The following LRIG2 variants were observed in gnomAD, a reference collection of about 807,000 sequenced individuals.
The protein encoded by LRIG2 is leucine rich repeats and immunoglobulin like domains 2, also known as leucine-rich repeats and immunoglobulin-like domains protein 2.
LRIG2 carries 93 observed loss-of-function variants against 107.8 expected under a neutral mutation model. That is an observed-to-expected ratio of 0.86 (90% CI 0.73 to 1.03). The LOEUF is 1.03. Among genes scored for constraint, LRIG2 ranks in the 50% least tolerant of loss-of-function variants. The pLI is 0.00. For synonymous variants in LRIG2, 471 were observed against 470.6 expected (o/e 1.00, Z -0.01); for missense variants, 1,226 against 1,296.0 (o/e 0.95, Z 0.83).
intron 11 of LRIG2, among the ~76,000 whole-genome samples, chr1:113,102,009 A>G (rs1173996474): frequency 1.3e-5 from 2 of 152,160 alleles, no homozygotes; most frequent in Non-Finnish European, 2.9e-5. Context: ...AGTCAAAGGT[A>G]TGAAGAGTGG....
chr1:113,080,834 A>G (rs1653240146), intron 1 of LRIG2, among the ~76,000 whole-genome samples: 1 of 148,020 alleles, frequency 6.8e-6, no homozygotes, highest in Non-Finnish European at 1.5e-5. Context: ...GGAACACTAA[A>G]AGTTTTTTTT....
intron 13 of LRIG2, among the ~76,000 whole-genome samples, chr1:113,110,803 C>T (rs1654743751): frequency 1.3e-5 from 2 of 152,148 alleles, no homozygotes; most frequent in South Asian, 2.1e-4. Context: ...AGATGTGCTA[C>T]TTTCACTGCT....
At chr1:113,107,461 T>C (rs1329694728) in intron 11 of LRIG2, 133 bp from the exon 12 acceptor site, 2 of 795,618 alleles carry the variant, frequency 2.5e-6, no homozygotes, top group Non-Finnish European at 3.7e-6. Context: ...ACAGTCTCAA[T>C]TTGTTTTCTC....
At position 113,132,068 on chromosome 1, in the gene LRIG2, A is replaced by G. The variant is rs1364101186; in HGVS notation, c.*7967A>G. 3 of 151,930 alleles carry G rather than the reference A, an allele frequency of 2.0e-5. No individual in the cohort carries two copies. The highest frequency in any genetic ancestry group is 7.3e-5 in the African/African-American group (3 of 41,350). 9.4% of individuals were successfully genotyped at this position (151,930 alleles called of 1,614,324 possible). A position where few individuals can be genotyped will look rare whatever the true frequency, so the allele number is the denominator to read the frequency against. On this transcript the variant is annotated 3_prime_UTR_variant, in exon 18 of 18. Transcript: ENST00000361127. The stretch of plus-strand genomic sequence containing the variant: ...CTATTATTTTTTTCCCCTATTGGAT[A>G]ATACTAGTCTGAGCAGCCCTAATAC...
At chr1:113,107,809 A>C (rs1654602133) in intron 12 of LRIG2, 52 bp downstream of exon 12, 2 of 1,468,614 alleles carry the variant, frequency 1.4e-6, no homozygotes, top group Non-Finnish European at 1.8e-6. Flanking sequence ...TAATCTTAAC[A>C]GAATTAAAAA....
chr1:113,121,168 A>G (rs1464287004), intron 17 of LRIG2, among the ~76,000 whole-genome samples: 3 of 152,154 alleles, frequency 2.0e-5, no homozygotes, highest in Non-Finnish European at 2.9e-5. Context: ...GTAAACATTT[A>G]ATTTCAGCTT....
Position 113,124,292 on chromosome 1 carries a change from A to G in LRIG2, c.*191A>G, listed in dbSNP as rs1434273540. 5.0e-6 allele frequency: 3 copies of G among 603,564 alleles called. No homozygotes were observed. The highest frequency in any genetic ancestry group is 8.8e-6 in the Non-Finnish European group (3 of 341,062). The allele number at this position is 603,564 out of a possible 1,614,324, so 37.4% of individuals were successfully genotyped here. A position where few individuals can be genotyped will look rare whatever the true frequency, so the allele number is the denominator to read the frequency against. ...TGAAGAAATGGCAACAGCTGACAGA[A>G]ATGGGTACAGCTCATCAAAAATGTG... On this transcript the variant is annotated 3_prime_UTR_variant, in exon 18 of 18. Coordinates refer to ENST00000361127, the MANE Select transcript of LRIG2 (RefSeq NM_014813.3).
rs2840294 is a variant in LRIG2, at chr1:113,126,376, C to G, written c.*2275C>G. ...CTCCTGCTTCTCAGTCTTCTCTGAC[C>G]TCTGGTAAGTGGAACTTTCATTAAT... On this transcript the variant is annotated 3_prime_UTR_variant, in exon 18 of 18. Coordinates refer to ENST00000361127, the MANE Select transcript of LRIG2 (RefSeq NM_014813.3). 0.28 allele frequency: 46,948 copies of G among 169,486 alleles called. 7,567 individuals carry two copies. Among genetic ancestry groups the G allele is most frequent in the Middle Eastern group, 0.38 (188 of 494 alleles). 10.5% of individuals were successfully genotyped at this position (169,486 alleles called of 1,614,324 possible).
chr1:113,078,157 C>A (rs1653073244), intron 1 of LRIG2, among the ~76,000 whole-genome samples: 1 of 151,886 alleles, frequency 6.6e-6, no homozygotes, highest in African/African-American at 2.4e-5. Context: ...TGGGTTGGTT[C>A]AAAGTCTTTG....
intron 12 of LRIG2, among the ~76,000 whole-genome samples, chr1:113,109,120 T>G (rs1490950497): frequency 6.6e-6 from 1 of 152,208 alleles, no homozygotes; most frequent in African/African-American, 2.4e-5. Context: ...GAAAACAGAA[T>G]CTAGTAAAGG....
Position 113,131,723 on chromosome 1 carries a change from A to C in LRIG2, c.*7622A>C, listed in dbSNP as rs574562897. On this transcript the variant is annotated 3_prime_UTR_variant, in exon 18 of 18. Coordinates refer to ENST00000361127, the MANE Select transcript of LRIG2 (RefSeq NM_014813.3). Reference sequence around the variant, plus strand: ...CAAAAGTAACAAGTTTGGAACTAAGAGATATGTTACAAGCTGCACTTAACA... The same window carrying C: ...CAAAAGTAACAAGTTTGGAACTAAGCGATATGTTACAAGCTGCACTTAACA... The C allele has an allele frequency of 1.6e-4, 24 of 152,180 alleles. No homozygotes were observed. The highest frequency in any genetic ancestry group is 4.6e-4 in the African/African-American group (19 of 41,514). The allele number at this position is 152,180 out of a possible 1,614,324, so 9.4% of individuals were successfully genotyped here.
At chr1:113,093,307 T>G (rs1380491299) in intron 3 of LRIG2, 27 bp downstream of exon 3, 1 of 1,555,938 alleles carries the variant, frequency 6.4e-7, no homozygotes. Context: ...TCAGGTTTTT[T>G]ACTTAAATTA....
At chr1:113,082,599 G>A (rs1653337957) in intron 1 of LRIG2, among the ~76,000 whole-genome samples, 1 of 152,178 alleles carries the variant, frequency 6.6e-6, no homozygotes, top group Admixed American at 6.6e-5. Flanking sequence ...GAGAGAGAGA[G>A]TTGTGTAGGG....
chr1:113,075,751 A>G (rs1652950385), intron 1 of LRIG2, among the ~76,000 whole-genome samples: 1 of 142,162 alleles, frequency 7.0e-6, no homozygotes, highest in Non-Finnish European at 1.5e-5. Context: ...GCTGGAGTGC[A>G]ATGGTGTGAC....
At chr1:113,104,522 CT>C (rs796145930) in intron 11 of LRIG2, among the ~76,000 whole-genome samples, 298 of 144,976 alleles carry the variant, frequency 2.1e-3, no homozygotes, top group Middle Eastern at 7.1e-3. Flanking sequence ...AAATAAAAGT[CT>C]TTTTTTTTTT....
At chr1:113,098,441 C>G (rs1654161375) in intron 8 of LRIG2, among the ~76,000 whole-genome samples, 1 of 152,178 alleles carries the variant, frequency 6.6e-6, no homozygotes, top group African/African-American at 2.4e-5. Flanking sequence ...AAGAGTAATA[C>G]TTTTAGCAGG....
rs1464568447 is a variant in LRIG2 at position 113,128,018 on chromosome 1, C to A, written c.*3917C>A. The A allele has an allele frequency of 6.6e-6, 1 of 152,160 alleles. No individual in the cohort carries two copies. The highest frequency in any genetic ancestry group is 1.5e-5 in the Non-Finnish European group (1 of 68,040). The allele number at this position is 152,160 out of a possible 1,614,324, so 9.4% of individuals were successfully genotyped here. ...TACACTTCCTGTCCAGTTCTCTCTT[C>A]TAAATCCAATATTACTCACTAGATA... On this transcript the variant is annotated 3_prime_UTR_variant, in exon 18 of 18. Coordinates refer to ENST00000361127, the MANE Select transcript of LRIG2 (RefSeq NM_014813.3).
At chr1:113,098,206 G>A (rs1654149639) in intron 8 of LRIG2, among the ~76,000 whole-genome samples, 1 of 152,064 alleles carries the variant, frequency 6.6e-6, no homozygotes, top group Admixed American at 6.5e-5. Flanking sequence ...GCTTCCCATG[G>A]GGCATCTTTA....
chr1:113,124,671 T>G lies in LRIG2; in HGVS notation c.*570T>G, dbSNP rs1427880226. 1 of 153,582 alleles carries G rather than the reference T, an allele frequency of 6.5e-6. No individual in the cohort carries two copies. The highest frequency in any genetic ancestry group is 1.5e-5 in the Non-Finnish European group (1 of 68,896). The allele number at this position is 153,582 out of a possible 1,614,324, so 9.5% of individuals were successfully genotyped here. A position where few individuals can be genotyped will look rare whatever the true frequency, so the allele number is the denominator to read the frequency against. ...TTGTATTCTTGTGAATTTTTTTTTTTGTCCCTATTGCCCAGGGATGTCATT... is the reference window on the plus strand; with the variant it reads ...TTGTATTCTTGTGAATTTTTTTTTTGGTCCCTATTGCCCAGGGATGTCATT... On this transcript the variant is annotated 3_prime_UTR_variant, in exon 18 of 18. Transcript: ENST00000361127.
Sources: allele counts gnomAD v4.1 joint callset (sites outside exome capture counted in the v4.1 genomes callset), GRCh38; gene constraint gnomAD v4.1.1; transcripts MANE v1.5; gene names NCBI Gene and HGNC (gene_info 2026-07-23, HGNC 2026-07-21).